Variants in EEFSEC observed in about 807,000 individuals in gnomAD.
The protein encoded by EEFSEC is selenocysteine-specific elongation factor.
EEFSEC carries 43 observed loss-of-function variants against 42.1 expected under a neutral mutation model. The ratio of observed to expected loss-of-function variants is 1.02; its 90% CI spans 0.80 to 1.32. The LOEUF is 1.32. Ranked by LOEUF, EEFSEC falls within the 40% of genes most tolerant of loss-of-function variation. EEFSEC has a pLI of 0.00. For synonymous variants in EEFSEC, 354 were observed against 339.1 expected (o/e 1.04, Z -0.48); for missense variants, 745 against 803.6 (o/e 0.93, Z 0.88).
chr3:128,274,126 A>G (rs2066442554), intron 4 of EEFSEC, among the ~76,000 whole-genome samples: 1 of 152,178 alleles, frequency 6.6e-6, no homozygotes, highest in African/African-American at 2.4e-5. Context: ...GCCACCACTC[A>G]AGCATACCCT....
At chr3:128,419,121 A>C in the EEFSEC span, among the ~76,000 whole-genome samples, 2 of 152,246 alleles carry the variant, frequency 1.3e-5, no homozygotes, top group Non-Finnish European at 2.9e-5. Context: ...TGGACTTCAC[A>C]CAACAACTCT....
At chr3:128,305,871 T>C (rs577470473) in intron 4 of EEFSEC, among the ~76,000 whole-genome samples, 20 of 152,348 alleles carry the variant, frequency 1.3e-4, no homozygotes, top group Admixed American at 1.2e-3. Flanking sequence ...CTAAATACAT[T>C]GATCATATAA....
intron 5 of EEFSEC, among the ~76,000 whole-genome samples, chr3:128,350,113 G>A (rs996980533): frequency 7.2e-5 from 11 of 152,356 alleles, no homozygotes; most frequent in African/African-American, 2.6e-4. Flanking sequence ...ACATGCAGAC[G>A]CCATCAGGAG....
intron 4 of EEFSEC, among the ~76,000 whole-genome samples, chr3:128,315,106 A>G (rs2066930692): frequency 6.6e-6 from 1 of 152,224 alleles, no homozygotes; most frequent in Non-Finnish European, 1.5e-5. Context: ...GTGAAGCCAG[A>G]CTTATCAATG....
chr3:128,186,787 C>G (rs1475560565), intron 1 of EEFSEC, among the ~76,000 whole-genome samples: 1 of 152,152 alleles, frequency 6.6e-6, no homozygotes, highest in African/African-American at 2.4e-5. Flanking sequence ...TAGCCTTATT[C>G]TGAACTATTT....
At chr3:128,306,846 C>T (rs953209580) in intron 4 of EEFSEC, among the ~76,000 whole-genome samples, 6 of 152,378 alleles carry the variant, frequency 3.9e-5, no homozygotes, top group Middle Eastern at 3.4e-3. Flanking sequence ...ATTGGTTGAG[C>T]TGTGATTCAT....
chr3:128,346,872 A>C (rs1474453657), intron 5 of EEFSEC, among the ~76,000 whole-genome samples: 1 of 152,256 alleles, frequency 6.6e-6, no homozygotes, highest in East Asian at 1.9e-4. Flanking sequence ...CACATGTAAC[A>C]AAATAATATT....
intron 5 of EEFSEC, among the ~76,000 whole-genome samples, chr3:128,345,121 C>A (rs1349718262): frequency 1.3e-5 from 2 of 152,180 alleles, no homozygotes; most frequent in Non-Finnish European, 2.9e-5. Flanking sequence ...GACCATGAGA[C>A]TTCCATGTTA....
chr3:128,386,332 G>C (rs548822261), intron 6 of EEFSEC, among the ~76,000 whole-genome samples: 1 of 152,120 alleles, frequency 6.6e-6, no homozygotes, highest in African/African-American at 2.4e-5. Flanking sequence ...CCCTGAAAAC[G>C]TTCTCAAAAA....
intron 5 of EEFSEC, among the ~76,000 whole-genome samples, chr3:128,352,347 C>A (rs1185804793): frequency 3.9e-5 from 6 of 152,334 alleles, no homozygotes; most frequent in South Asian, 4.1e-4. Flanking sequence ...TCCTTGCCCC[C>A]AGTACACACA....
chr3:128,399,008 G>A (rs1222945462), intron 6 of EEFSEC, among the ~76,000 whole-genome samples: 1 of 152,014 alleles, frequency 6.6e-6, no homozygotes, highest in Non-Finnish European at 1.5e-5. Flanking sequence ...GCCCCTCCCT[G>A]TATAATTGAG....
At chr3:128,340,840 G>A (rs2067242174) in intron 4 of EEFSEC, among the ~76,000 whole-genome samples, 1 of 152,196 alleles carries the variant, frequency 6.6e-6, no homozygotes, top group South Asian at 2.1e-4. Context: ...GGAGGAGGCA[G>A]GCAAACCTGG....
intron 1 of EEFSEC, among the ~76,000 whole-genome samples, chr3:128,210,507 G>A (rs1053458275): frequency 1.3e-5 from 2 of 152,116 alleles, no homozygotes; most frequent in Non-Finnish European, 2.9e-5. Flanking sequence ...TTCCTTTTTC[G>A]ACGGTGAAAA....
Position 128,253,334 on chromosome 3 carries a change from C to T in EEFSEC, c.524+6291C>T, listed in dbSNP as rs763475145. Among the ~76,000 whole-genome samples, 10 of 152,250 alleles carry T rather than the reference C, an allele frequency of 6.6e-5. 1 individual carries two copies. The highest frequency in any genetic ancestry group is 6.5e-5 in the Admixed American group (1 of 15,292). On this transcript the variant is annotated intron_variant, in intron 2 of 6. Transcript: ENST00000254730. ...CCGTCAGCTCTGCGGATGGAGCCTT[C>T]GTGCTAAGAATAGATTTTTCTCCTA...
chr3:128,384,988 G>T (rs979493956), intron 6 of EEFSEC, among the ~76,000 whole-genome samples: 6 of 152,280 alleles, frequency 3.9e-5, no homozygotes, highest in African/African-American at 1.4e-4. Context: ...GTTTGAATGT[G>T]GGGAAGACCA....
chr3:128,342,037 GC>G, intron 5 of EEFSEC, 148 bp downstream of exon 5: 3 of 1,164,052 alleles, frequency 2.6e-6, no homozygotes, highest in Non-Finnish European at 3.5e-6. Context: ...GGCATCTGAT[GC>G]CCAGAATGGT....
At chr3:128,181,526 G>A (rs114235497) in intron 1 of EEFSEC, among the ~76,000 whole-genome samples, 103 of 152,320 alleles carry the variant, frequency 6.8e-4, no homozygotes, top group African/African-American at 2.3e-3. Context: ...AAGAGAAGCG[G>A]TGATATAAAA....
At chr3:128,195,046 C>A (rs1250691904) in intron 1 of EEFSEC, among the ~76,000 whole-genome samples, 4 of 152,088 alleles carry the variant, frequency 2.6e-5, no homozygotes, top group Non-Finnish European at 5.9e-5. Flanking sequence ...TCCCACCCCT[C>A]CCCTTCTCCC....
intron 1 of EEFSEC, among the ~76,000 whole-genome samples, chr3:128,229,392 A>G (rs2065938159): frequency 6.6e-6 from 1 of 152,168 alleles, no homozygotes; most frequent in Non-Finnish European, 1.5e-5. Context: ...GACCCCAGAG[A>G]GCCCATTGTC....
Sources: allele counts gnomAD v4.1 joint callset (sites outside exome capture counted in the v4.1 genomes callset), GRCh38; gene constraint gnomAD v4.1.1; transcripts MANE v1.5; gene names NCBI Gene and HGNC (gene_info 2026-07-23, HGNC 2026-07-21).